Variants in TUB observed in about 807,000 individuals in gnomAD.
The protein encoded by TUB is TUB bipartite transcription factor.
In TUB, 33 loss-of-function variants were observed where a neutral mutation model predicts 59.7. The ratio of observed to expected loss-of-function variants is 0.55; its 90% CI spans 0.42 to 0.74. TUB has a LOEUF of 0.74. TUB is among the 30% of genes least tolerant of loss of function. The pLI, the probability that TUB is intolerant of heterozygous loss-of-function variation, is 0.00. For missense variants in TUB, 659 were observed against 672.0 expected, an observed-to-expected ratio of 0.98 and a Z score of 0.21; for synonymous variants, 293 against 256.4, an observed-to-expected ratio of 1.14 and a Z score of -1.36.
Position 8,098,864 on chromosome 11 carries a change from G to A in TUB, c.1105G>A (p.Ala369Thr). ...ESGTLRQELA[A>T]VCYETNVLGF... ...TGGAACCTTACGTCAGGAGCTGGCAGCTGTGTGCTACGTGAGTCCTAGGTT... is the reference window on the plus strand; with the variant it reads ...TGGAACCTTACGTCAGGAGCTGGCAACTGTGTGCTACGTGAGTCCTAGGTT... The change falls in exon 9 of 12, where the codon GCT becomes ACT. Residue 369 changes from alanine to threonine, a missense_variant. Around this residue, in one of 3 missense-constraint regions of TUB, gnomAD observed 226 missense variants for 210.8 expected, o/e 1.07. Transcript: ENST00000299506. The A allele has an allele frequency of 1.9e-6, 3 of 1,613,594 alleles. No individual in the cohort carries two copies. Among genetic ancestry groups the A allele is most frequent in the Non-Finnish European group, 2.5e-6 (3 of 1,179,498 alleles).
intron 2 of TUB, among the ~76,000 whole-genome samples, chr11:8,061,845 AG>A (rs749410891): frequency 1.3e-5 from 2 of 151,936 alleles, no homozygotes; most frequent in African/African-American, 2.4e-5. Context: ...AACAGTTTGG[AG>A]GGGGGCCCAG....
intron 10 of TUB, 46 bp from the exon 11 acceptor site, chr11:8,100,780 T>C (rs1441297364): frequency 1.2e-6 from 2 of 1,606,990 alleles, no homozygotes; most frequent in South Asian, 1.1e-5. Context: ...GGGGTGGTCA[T>C]GGTGCCAAAG....
intron 2 of TUB, among the ~76,000 whole-genome samples, chr11:8,072,370 G>C (rs1943376103): frequency 6.6e-6 from 1 of 152,158 alleles, no homozygotes; most frequent in Non-Finnish European, 1.5e-5. Flanking sequence ...GGGACCACCT[G>C]TTCTCACCCT....
At chr11:8,070,989 A>C (rs1229694099) in intron 2 of TUB, among the ~76,000 whole-genome samples, 2 of 152,114 alleles carry the variant, frequency 1.3e-5, no homozygotes, top group Non-Finnish European at 2.9e-5. Flanking sequence ...TCATTATGTA[A>C]CCACAGCTAA....
intron 2 of TUB, among the ~76,000 whole-genome samples, chr11:8,069,617 G>T (rs1943321675): frequency 6.6e-6 from 1 of 152,000 alleles, no homozygotes; most frequent in South Asian, 2.1e-4. Flanking sequence ...CCTATCTAAT[G>T]GGATTGGCGC....
chr11:8,035,295 T>C (rs1374288291), upstream of TUB, among the ~76,000 whole-genome samples: 1 of 152,242 alleles, frequency 6.6e-6, no homozygotes, highest in Non-Finnish European at 1.5e-5. Flanking sequence ...ACTCCAGTCT[T>C]GTTTATCATG....
Position 8,094,441 on chromosome 11 carries a change from G to C in TUB, c.397+252G>C, listed in dbSNP as rs1404633235. Among the ~76,000 whole-genome samples, 6 of 152,264 alleles carry C rather than the reference G, an allele frequency of 3.9e-5. No homozygotes were observed. The East Asian group carries it at 9.7e-4, about 24-fold the overall frequency. Reference sequence around the variant, plus strand: ...TGAAGTCCTGCTCAGCTGTGGCCCAGAACCACCGTCCCCCACCTCAGCTAC... The same window carrying C: ...TGAAGTCCTGCTCAGCTGTGGCCCACAACCACCGTCCCCCACCTCAGCTAC... On this transcript the variant is annotated intron_variant, in intron 4 of 11. Coordinates refer to ENST00000299506, the MANE Select transcript of TUB (RefSeq NM_177972.3).
At chr11:8,068,735 A>G (rs1352114869) in intron 2 of TUB, 1 of 152,082 alleles carries the variant, frequency 6.6e-6, no homozygotes, top group Non-Finnish European at 1.5e-5. Flanking sequence ...ACGGGTCTTC[A>G]CCTCTGGCTG....
intron 2 of TUB, among the ~76,000 whole-genome samples, chr11:8,060,515 G>A (rs1402928927): frequency 1.3e-5 from 2 of 152,126 alleles, no homozygotes; most frequent in African/African-American, 4.8e-5. Flanking sequence ...CCCACTCTGG[G>A]CCTCAGCTTC....
At chr11:8,050,788 G>A (rs1942922518) in intron 2 of TUB, among the ~76,000 whole-genome samples, 1 of 152,132 alleles carries the variant, frequency 6.6e-6, no homozygotes, top group African/African-American at 2.4e-5. Flanking sequence ...AAGAAAATGT[G>A]TTTTCTGCTC....
chr11:8,096,537 A>G (rs1321431429), intron 5 of TUB, 148 bp from the exon 6 acceptor site: 12 of 689,152 alleles, frequency 1.7e-5, no homozygotes, highest in East Asian at 1.2e-4. Context: ...ATGGGAGTCT[A>G]TATGTGTAGA....
Position 8,104,959 on chromosome 11 carries a change from A to C in TUB, c.*3340A>C, listed in dbSNP as rs1169791150. 2.0e-5 allele frequency: 3 copies of C among 149,512 alleles called. No homozygotes were observed. The East Asian group carries it at 5.8e-4, about 29-fold the overall frequency. 9.3% of individuals were successfully genotyped at this position (149,512 alleles called of 1,614,324 possible). A position where few individuals can be genotyped will look rare whatever the true frequency, so the allele number is the denominator to read the frequency against. On this transcript the variant is annotated 3_prime_UTR_variant, in exon 12 of 12. Transcript: ENST00000299506. ...TTTTTTTTTTTTCTCCATTCTGAAA[A>C]TAGCAGGACATTTACCTCTTAAATA...
At chr11:8,077,119 G>A (rs892058644), upstream of TUB, 7 of 152,148 alleles carry the variant, frequency 4.6e-5, no homozygotes, top group African/African-American at 1.7e-4. Context: ...TTTACTCATA[G>A]CTGTCTAGCA....
At chr11:8,059,841 T>C (rs1037083287) in intron 2 of TUB, among the ~76,000 whole-genome samples, 1 of 152,100 alleles carries the variant, frequency 6.6e-6, no homozygotes, top group African/African-American at 2.4e-5. Flanking sequence ...GTAATGTTCC[T>C]GGAGCAGGCA....
rs138118123 is a variant in TUB at position 8,097,303 on chromosome 11, G to T, written c.763G>T (p.Ala255Ser). Residue 255 changes from alanine (A) to serine (S), a missense_variant, in exon 7 of 12, where the codon GCA (alanine) becomes TCA (serine). Transcript: ENST00000299506. ...TGAGGTCCAGGATCTTGAGGAGTTT[G>T]CACTGAGGCCGGCCCCCCAGGGTAT... Reference protein sequence around the residue: ...DVEVQDLEEFALRPAPQGITI... With the variant: ...DVEVQDLEEFSLRPAPQGITI... The T allele has an allele frequency of 1.2e-6, 2 of 1,614,058 alleles. No homozygotes were observed. The highest frequency in any genetic ancestry group is 1.3e-5 in the African/African-American group (1 of 74,908).
intron 2 of TUB, among the ~76,000 whole-genome samples, chr11:8,061,800 A>G (rs537905538): frequency 1.2e-4 from 18 of 151,958 alleles, no homozygotes; most frequent in African/African-American, 3.9e-4. Context: ...CTTTTGGGGA[A>G]CTCCAAGGTC....
intron 3 of TUB, among the ~76,000 whole-genome samples, chr11:8,093,481 GA>G (rs1478474050): frequency 6.6e-6 from 1 of 152,170 alleles, no homozygotes; most frequent in Admixed American, 6.5e-5. Context: ...GCAGTATGGA[GA>G]ATTTGGAGGC....
chr11:8,046,374 G>GT (rs1184603703), intron 2 of TUB, among the ~76,000 whole-genome samples: 2 of 152,092 alleles, frequency 1.3e-5, no homozygotes, highest in South Asian at 2.1e-4. Flanking sequence ...ACCATTTTAA[G>GT]TGCTTACTCT....
At chr11:8,038,792 A>G in exon 1 of TUB, 1 of 1,549,808 alleles carries the variant, frequency 6.5e-7, no homozygotes, top group Non-Finnish European at 8.7e-7. Context: ...AGGCGAATAC[A>G]GGGAATTTCA....
Sources: allele counts gnomAD v4.1 joint callset (sites outside exome capture counted in the v4.1 genomes callset), GRCh38; gene constraint gnomAD v4.1.1; regional missense constraint gnomAD v4.1.1; transcripts MANE v1.5; gene names NCBI Gene and HGNC (gene_info 2026-07-23, HGNC 2026-07-21).